PLIN1: variants seen among roughly 807,000 people sequenced by gnomAD.
The protein encoded by PLIN1 is perilipin 1.
Under a neutral mutation model 45.8 loss-of-function variants are expected in PLIN1, and 37 were observed. The ratio of observed to expected loss-of-function variants is 0.81; its 90% CI spans 0.62 to 1.06. PLIN1 has a LOEUF of 1.06. PLIN1 is among the 50% of genes least tolerant of loss of function. The pLI is 0.00. For synonymous variants in PLIN1, 340 were observed against 309.2 expected (o/e 1.10, Z -1.05); for missense variants, 776 against 716.5 (o/e 1.08, Z -0.95).
intron 6 of PLIN1, 94 bp from the exon 7 acceptor site, chr15:89,667,887 G>A: frequency 6.6e-7 from 1 of 1,522,776 alleles, no homozygotes; most frequent in Admixed American, 2.0e-5. Context: ...CAGGGTCCGG[G>A]CCAGGTGGTG....
chr15:89,669,932 G>C, intron 5 of PLIN1, 48 bp downstream of exon 5: 3 of 1,578,522 alleles, frequency 1.9e-6, no homozygotes, highest in Non-Finnish European at 2.6e-6. Context: ...TTCCCAGGCA[G>C]TGTGTGTGAC....
chr15:89,667,512 T>G, intron 7 of PLIN1, 90 bp downstream of exon 7: 1 of 1,587,528 alleles, frequency 6.3e-7, no homozygotes, highest in Non-Finnish European at 8.6e-7. Context: ...CCCCTGCATC[T>G]GGGGCAGAGG....
rs1183136396 is a variant in PLIN1 at position 89,669,586 on chromosome 15, G to T, written c.685C>A (p.Leu229Ile). The change falls in exon 6 of 9, where the codon CTC becomes ATC. Residue 229 changes from leucine to isoleucine, a missense_variant. By Grantham distance (5) the Leu-to-Ile change is conservative. Coordinates refer to ENST00000300055, the MANE Select transcript of PLIN1 (RefSeq NM_002666.5). ...ATGGTCTGCACGGTGTATCGAGAGA[G>T]GGTGTTGGTCAGAGCCCCAACCCTG... ...LSRVGALTNT[L>I]SRYTVQTMAR... The T allele has an allele frequency of 1.2e-6, 2 of 1,614,016 alleles. No individual in the cohort carries two copies. The highest frequency in any genetic ancestry group is 1.7e-6 in the Non-Finnish European group (2 of 1,179,928).
At position 89,673,099 on chromosome 15, in the gene PLIN1, GCAGA is replaced by G. The variant is rs948578436; in HGVS notation, c.250+107_250+110del. ...CATGCAATGGGATGTGGGCAGTTAA[GCAGA>G]CAGACAAGCAAGTTATCAGACAGTC... On this transcript the variant is annotated intron_variant, in intron 3 of 8. Transcript: ENST00000300055. 7.4e-6 allele frequency: 6 copies of G among 811,674 alleles called. No homozygotes were observed. In the African/African-American group the frequency reaches 1.0e-4, roughly 14 times the overall value. 50.3% of individuals were successfully genotyped at this position (811,674 alleles called of 1,614,324 possible). A position where few individuals can be genotyped will look rare whatever the true frequency, so the allele number is the denominator to read the frequency against.
At chr15:89,666,847 G>A (rs1489710456) in intron 8 of PLIN1, 89 bp downstream of exon 8, 20 of 1,447,684 alleles carry the variant, frequency 1.4e-5, no homozygotes, top group East Asian at 4.6e-5. Flanking sequence ...GGAAAGGAGG[G>A]GGACTGCAGC....
intron 1 of PLIN1, 39 bp from the exon 2 acceptor site, chr15:89,677,542 G>C: frequency 6.4e-7 from 1 of 1,562,682 alleles, no homozygotes; most frequent in Admixed American, 1.7e-5. Context: ...GAAGCCCTCA[G>C]GCTTGAGCTC....
Position 89,667,779 on chromosome 15 carries a change from C to G in PLIN1, c.786G>C (p.Gln262His), listed in dbSNP as rs775457374. 13 of 1,557,366 alleles carry G rather than the reference C, an allele frequency of 8.3e-6. No homozygotes were observed. Among genetic ancestry groups the G allele is most frequent in the Non-Finnish European group, 1.1e-5 (13 of 1,151,062 alleles). ...PGVVPLSSLA[Q>H]WGASVAMQAV... is the part of the protein sequence containing the mutation. ...CCTGCATGGCCACTGAGGCACCCCA[C>G]TGGGCCAGGCTGCTCTGAGGGAGGA... is the stretch of plus-strand genomic sequence containing the variant. Residue 262 changes from glutamine (Q) to histidine (H), a missense_variant, in exon 7 of 9, where the codon CAG (glutamine) becomes CAC (histidine). Gln to His is a conservative substitution (Grantham distance 24). Transcript: ENST00000300055.
At position 89,664,988 on chromosome 15, in the gene PLIN1, G is replaced by A. The variant is rs12916735; in HGVS notation, c.*595C>T. On this transcript the variant is annotated 3_prime_UTR_variant, in exon 9 of 9. Transcript: ENST00000300055. The stretch of plus-strand genomic sequence containing the variant: ...GCCTGGACTCAGCCTGTGAAGCGGC[G>A]GGTACTCAGAAAGTGACACTAGTAT... The A allele has an allele frequency of 6.7e-3, 3,027 of 451,288 alleles. 14 individuals carry two copies. Among genetic ancestry groups the A allele is most frequent in the Non-Finnish European group, 0.01 (2,351 of 224,906 alleles). 28.0% of individuals were successfully genotyped at this position (451,288 alleles called of 1,614,324 possible). A position where few individuals can be genotyped will look rare whatever the true frequency, so the allele number is the denominator to read the frequency against.
intron 8 of PLIN1, 120 bp downstream of exon 8, chr15:89,666,816 G>A (rs774186937): frequency 3.8e-5 from 42 of 1,108,542 alleles, no homozygotes; most frequent in Admixed American, 1.5e-4. Context: ...TGGAGTGGGG[G>A]GCGGTCTCCA....
At chr15:89,666,086 G>A in intron 8 of PLIN1, 144 bp from the exon 9 acceptor site, 1 of 508,522 alleles carries the variant, frequency 2.0e-6, no homozygotes, top group Non-Finnish European at 3.2e-6. Context: ...TCAGTAGTTT[G>A]GGGGGCACCG....
rs779304578 is a variant in PLIN1 at position 89,665,505 on chromosome 15, G to A, written c.*78C>T. On this transcript the variant is annotated 3_prime_UTR_variant, in exon 9 of 9. Transcript: ENST00000300055. The stretch of plus-strand genomic sequence containing the variant: ...AGGGGACCACTTTGAAAGTGGCAAC[G>A]CTCGCCTGGGCAGTGCGGGTTCTGT... The A allele has an allele frequency of 4.2e-6, 6 of 1,415,294 alleles. No individual in the cohort carries two copies. The African/African-American group carries it at 7.3e-5, about 17-fold the overall frequency. 87.7% of individuals were successfully genotyped at this position (1,415,294 alleles called of 1,614,324 possible). A position where few individuals can be genotyped will look rare whatever the true frequency, so the allele number is the denominator to read the frequency against.
intron 1 of PLIN1, chr15:89,677,800 G>T: frequency 2.8e-6 from 1 of 355,422 alleles, no homozygotes; most frequent in Non-Finnish European, 5.2e-6. Context: ...GCCCAGGCTG[G>T]AGTGTAGTTG....
intron 4 of PLIN1, 143 bp downstream of exon 4, chr15:89,671,339 G>A: frequency 1.5e-6 from 1 of 660,034 alleles, no homozygotes; most frequent in Non-Finnish European, 2.8e-6. Context: ...GGCCTTGGGA[G>A]CAGGCACTCT....
At chr15:89,675,874 C>T (rs1178204014) in intron 2 of PLIN1, among the ~76,000 whole-genome samples, 1 of 152,076 alleles carries the variant, frequency 6.6e-6, no homozygotes, top group Non-Finnish European at 1.5e-5. Flanking sequence ...TTGGAAATGG[C>T]CTACCTGGGA....
At chr15:89,679,044 C>A (rs1964560757) in intron 1 of PLIN1, among the ~76,000 whole-genome samples, 1 of 152,026 alleles carries the variant, frequency 6.6e-6, no homozygotes, top group Non-Finnish European at 1.5e-5. Flanking sequence ...GACAGGATCC[C>A]ACTGTGTTGC....
Position 89,667,188 on chromosome 15 carries a change from G to A in PLIN1, c.964-7C>T, listed in dbSNP as rs778488905. 12 of 1,612,550 alleles carry A rather than the reference G, an allele frequency of 7.4e-6. No individual in the cohort carries two copies. The highest frequency in any genetic ancestry group is 1.9e-4 in the Middle Eastern group (1 of 5,302). Reference sequence around the variant, plus strand: ...GGCCTGGCAGGGCTGCTACCTGGGGGCCAAAGCAGGGTCAGTGCCTCCTGT... The same window carrying A: ...GGCCTGGCAGGGCTGCTACCTGGGGACCAAAGCAGGGTCAGTGCCTCCTGT... On this transcript the variant is annotated splice_region_variant and splice_polypyrimidine_tract_variant and intron_variant, in intron 7 of 8. Transcript: ENST00000300055.
At chr15:89,671,721 CT>C (rs1204274033) in intron 3 of PLIN1, among the ~76,000 whole-genome samples, 157 bp from the exon 4 acceptor site, 3 of 151,836 alleles carry the variant, frequency 2.0e-5, no homozygotes. Flanking sequence ...CTCTTTCGCC[CT>C]TGTCTGCAGG....
Position 89,679,314 on chromosome 15 carries a change from A to T in PLIN1, c.-78T>A, listed in dbSNP as rs926156207. The T allele has an allele frequency of 2.0e-5, 3 of 152,710 alleles. No individual in the cohort carries two copies. The highest frequency in any genetic ancestry group is 7.2e-5 in the African/African-American group (3 of 41,394). The allele number at this position is 152,710 out of a possible 1,614,324, so 9.5% of individuals were successfully genotyped here. A position where few individuals can be genotyped will look rare whatever the true frequency, so the allele number is the denominator to read the frequency against. Reference sequence around the variant, plus strand: ...GTAAGGCAGGTGCCCCAGGACCCCAACACTCACTCCGGCTGACCGCCACCT... The same window carrying T: ...GTAAGGCAGGTGCCCCAGGACCCCATCACTCACTCCGGCTGACCGCCACCT... On this transcript the variant is annotated 5_prime_UTR_variant, in exon 1 of 9. The change creates a new upstream start codon in the 5' untranslated region. Coordinates refer to ENST00000300055, the MANE Select transcript of PLIN1 (RefSeq NM_002666.5).
intron 2 of PLIN1, among the ~76,000 whole-genome samples, chr15:89,675,937 G>A (rs1034441165): frequency 2.0e-5 from 3 of 152,234 alleles, no homozygotes; most frequent in Admixed American, 6.5e-5. Flanking sequence ...AGGACGAGGC[G>A]GGATTGGCCA....
Sources: gnomAD v4.1 joint callset for allele counts (sites outside exome capture counted in the v4.1 genomes callset) on GRCh38, gnomAD v4.1.1 for gene constraint, MANE v1.5 for transcripts, NCBI Gene and HGNC (gene_info 2026-07-23, HGNC 2026-07-21) for gene names.